KCNC4: variants seen among roughly 807,000 people sequenced by gnomAD.
KCNC4 encodes voltage-gated potassium channel KCNC4.
Under a neutral mutation model 42.8 loss-of-function variants are expected in KCNC4, and 23 were observed. The ratio of observed to expected loss-of-function variants is 0.54; its 90% CI spans 0.39 to 0.76. The LOEUF is 0.76. Ranked by LOEUF, KCNC4 falls within the 30% of genes least tolerant of loss-of-function variation. KCNC4 has a pLI of 0.00. For missense variants in KCNC4, 751 were observed against 898.2 expected (o/e 0.84, Z 2.10); for synonymous variants, 422 against 393.5 (o/e 1.07, Z -0.86).
At position 110,211,468 on chromosome 1, in the gene KCNC4, C is replaced by T. The variant is rs1426501953; in HGVS notation, c.-32C>T. 6.3e-7 allele frequency: 1 copy of T among 1,585,022 alleles called. No individual in the cohort carries two copies. Among genetic ancestry groups the T allele is most frequent in the Non-Finnish European group, 8.6e-7 (1 of 1,162,012 alleles). On this transcript the variant is annotated 5_prime_UTR_variant, in exon 1 of 4. Transcript: ENST00000438661. This position sits in a 1 kb window ranked among gnomAD's most constrained non-coding sequence, Gnocchi z 6.5. ...GGGAAGGGTGTTTGGAGGGCAGCGGCCGCCCCAAGCCGGAGCCCCGCAGCG... is the reference window on the plus strand; with the variant it reads ...GGGAAGGGTGTTTGGAGGGCAGCGGTCGCCCCAAGCCGGAGCCCCGCAGCG...
intron 3 of KCNC4, chr1:110,232,129 A>T: frequency 7.9e-7 from 1 of 1,262,646 alleles, no homozygotes; most frequent in Non-Finnish European, 1.1e-6. Context: ...GGTGGTAGAC[A>T]TCCCAGGCTG....
exon 4 of KCNC4, chr1:110,245,177 G>T (rs146290404): frequency 7.0e-4 from 107 of 152,408 alleles, no homozygotes; most frequent in Middle Eastern, 3.4e-3. Context: ...GGGGAGACAT[G>T]AGTGATCAGA....
At chr1:110,279,725 C>A (rs545648772) in intron 1 of KCNC4, among the ~76,000 whole-genome samples, 1 of 151,248 alleles carries the variant, frequency 6.6e-6, no homozygotes, top group South Asian at 2.1e-4. Context: ...AATCTGGTAC[C>A]TGTGTCACTT....
chr1:110,220,541 T>C (rs774105684), intron 1 of KCNC4: 1 of 147,434 alleles, frequency 6.8e-6, no homozygotes, highest in African/African-American at 2.5e-5. Flanking sequence ...AGTCACTAAT[T>C]AACTTCACGC....
chr1:110,212,372 A>G (rs1657527178), intron 1 of KCNC4, among the ~76,000 whole-genome samples, 195 bp downstream of exon 1: 1 of 152,084 alleles, frequency 6.6e-6, no homozygotes, highest in African/African-American at 2.4e-5. Flanking sequence ...TGCACGCTCC[A>G]TCAGGAGATT....
chr1:110,216,609 G>A lies in KCNC4; in HGVS notation c.678+4432G>A, dbSNP rs139955984. Among the ~76,000 whole-genome samples, 258 of 152,282 alleles carry A rather than the reference G, an allele frequency of 1.7e-3. 6 individuals carry two copies. In the East Asian group the frequency reaches 0.044, roughly 26 times the overall value. On this transcript the variant is annotated intron_variant, in intron 1 of 3. Coordinates refer to ENST00000438661, the MANE Select transcript of KCNC4 (RefSeq NM_001039574.3). Reference sequence around the variant, plus strand: ...GTAAACGAGCTATTTTGGAGACTCGGGGGAAGAGCAGGCAGGCAGGAGCAG... The same window carrying A: ...GTAAACGAGCTATTTTGGAGACTCGAGGGAAGAGCAGGCAGGCAGGAGCAG...
downstream of KCNC4, chr1:110,238,450 C>T (rs552923136): frequency 1.3e-5 from 2 of 152,240 alleles, no homozygotes; most frequent in Non-Finnish European, 1.5e-5. Flanking sequence ...CTTCCAGGTA[C>T]TGGTGTCATC....
At chr1:110,274,162 A>G (rs1659679821) in intron 1 of KCNC4, among the ~76,000 whole-genome samples, 1 of 152,212 alleles carries the variant, frequency 6.6e-6, no homozygotes, top group Admixed American at 6.5e-5. Context: ...CAAAATCAAC[A>G]TACAAAAATC....
In KCNC4 at chr1:110,233,740, C is replaced by G. The variant is rs562295617; in HGVS notation, c.*768C>G. ...GTCTGCCCATCTGGCCCAGGGGGTC[C>G]GAGAAGGGAAGCCTTGGGCAAGAGG... On this transcript the variant is annotated 3_prime_UTR_variant, in exon 4 of 4. Coordinates refer to ENST00000438661, the MANE Select transcript of KCNC4 (RefSeq NM_001039574.3). 1 of 152,442 alleles carries G rather than the reference C, an allele frequency of 6.6e-6. No individual in the cohort carries two copies. The highest frequency in any genetic ancestry group is 1.9e-4 in the East Asian group (1 of 5,184). 9.4% of individuals were successfully genotyped at this position (152,442 alleles called of 1,614,324 possible).
At chr1:110,276,767 C>T (rs912682729) in intron 1 of KCNC4, among the ~76,000 whole-genome samples, 7 of 152,154 alleles carry the variant, frequency 4.6e-5, no homozygotes, top group Non-Finnish European at 8.8e-5. Context: ...TTGTATTCAA[C>T]ACATCTTAGA....
intron 1 of KCNC4, chr1:110,221,098 T>A (rs949840818): frequency 1.3e-5 from 2 of 152,198 alleles, no homozygotes; most frequent in Non-Finnish European, 2.9e-5. Flanking sequence ...TGAGGCACAC[T>A]TTCCCACGGG....
intron 1 of KCNC4, among the ~76,000 whole-genome samples, chr1:110,257,666 AGCCG>A: frequency 6.7e-6 from 1 of 149,064 alleles, no homozygotes; most frequent in African/African-American, 2.5e-5. Context: ...GCTTGCAGTA[AGCCG>A]AGATCGCGCT....
Position 110,233,285 on chromosome 1 carries a change from C to G in KCNC4, c.*313C>G. ...TAGGCTGTGTCTCCCTAAGCCCTTG[C>G]CCCACCCAGAGTTTCCCGTCCCCTT... On this transcript the variant is annotated 3_prime_UTR_variant, in exon 4 of 4. Transcript: ENST00000438661. 1 of 452,092 alleles carries G rather than the reference C, an allele frequency of 2.2e-6. No individual in the cohort carries two copies. The highest frequency in any genetic ancestry group is 2.0e-5 in the African/African-American group (1 of 50,906). 28.0% of individuals were successfully genotyped at this position (452,092 alleles called of 1,614,324 possible).
intron 1 of KCNC4, chr1:110,282,462 AC>A (rs1659844340): frequency 6.6e-6 from 1 of 152,146 alleles, no homozygotes; most frequent in Non-Finnish European, 1.5e-5. Flanking sequence ...TTTTTCCTCT[AC>A]CTTAGGGGTG....
Position 110,230,752 on chromosome 1 carries a change from C to T in KCNC4, c.1820-2159C>T, listed in dbSNP as rs1658653459. 2.0e-5 allele frequency among the ~76,000 whole-genome samples: 3 copies of T among 152,218 alleles called. No individual in the cohort carries two copies. In the South Asian group the frequency reaches 6.2e-4, roughly 31 times the overall value. Reference sequence around the variant, plus strand: ...TCTGGGAGAGATAGAACCCAGATAGCAGGAGGGCTGAGTAGACTGTCTGCC... The same window carrying T: ...TCTGGGAGAGATAGAACCCAGATAGTAGGAGGGCTGAGTAGACTGTCTGCC... On this transcript the variant is annotated intron_variant, in intron 3 of 3. Transcript: ENST00000438661.
intron 3 of KCNC4, 164 bp downstream of exon 3, chr1:110,226,342 C>T (rs1468286665): frequency 1.5e-6 from 1 of 657,534 alleles, no homozygotes; most frequent in South Asian, 1.7e-5. Flanking sequence ...TCTCCCAGTC[C>T]CTGGATTAGA....
intron 2 of KCNC4, 63 bp from the exon 3 acceptor site, chr1:110,225,912 A>G: frequency 5.5e-6 from 8 of 1,452,076 alleles, no homozygotes; most frequent in South Asian, 1.3e-5. Context: ...GAGACCCCAG[A>G]TGACCCATGA....
chr1:110,274,995 A>G (rs1659693054), intron 1 of KCNC4, among the ~76,000 whole-genome samples: 2 of 152,336 alleles, frequency 1.3e-5, no homozygotes, highest in South Asian at 4.1e-4. Flanking sequence ...CAAGCAATAA[A>G]AACAAAAATA....
intron 1 of KCNC4, among the ~76,000 whole-genome samples, chr1:110,212,733 A>G (rs72988884): frequency 0.027 from 4,090 of 152,276 alleles, 184 homozygotes; most frequent in African/African-American, 0.092. Flanking sequence ...CAGAAGAGGC[A>G]AAGCTGAGAC....
Sources: allele counts gnomAD v4.1 joint callset (sites outside exome capture counted in the v4.1 genomes callset), GRCh38; gene constraint gnomAD v4.1.1; non-coding constraint Gnocchi (gnomAD v3.1); transcripts MANE v1.5; gene names NCBI Gene and HGNC (gene_info 2026-07-23, HGNC 2026-07-21).